The following UMAD1 variants were observed in gnomAD, a reference collection of about 807,000 sequenced individuals.
UMAD1 encodes the protein UBAP1-MVB12-associated (UMA) domain containing 1.
A neutral mutation model predicts 6.1 loss-of-function variants in UMAD1; 8 were observed. The ratio of observed to expected loss-of-function variants is 1.30; its 90% CI spans 0.76 to 2.35. UMAD1 has a LOEUF of 2.35. UMAD1 is among the 30% of genes most tolerant of loss of function. The pLI is 0.00. For synonymous variants in UMAD1, 56 were observed against 31.4 expected (o/e 1.78, Z -2.61); for missense variants, 130 against 78.4 (o/e 1.66, Z -2.49).
Position 7,877,788 on chromosome 7 carries a change from A to T in UMAD1, c.*250A>T, listed in dbSNP as rs1784452881. The T allele has an allele frequency of 4.5e-6, 2 of 440,078 alleles. No individual in the cohort carries two copies. The highest frequency in any genetic ancestry group is 2.0e-5 in the African/African-American group (1 of 50,334). 27.3% of individuals were successfully genotyped at this position (440,078 alleles called of 1,614,324 possible). A position where few individuals can be genotyped will look rare whatever the true frequency, so the allele number is the denominator to read the frequency against. Reference sequence around the variant, plus strand: ...TAGGCTATGAAGGTTTTAGGAAAGGACTCGATTCCTTCAGATGGTCTCTCA... The same window carrying T: ...TAGGCTATGAAGGTTTTAGGAAAGGTCTCGATTCCTTCAGATGGTCTCTCA... On this transcript the variant is annotated 3_prime_UTR_variant, in exon 4 of 4. Coordinates refer to ENST00000682710, the MANE Select transcript of UMAD1 (RefSeq NM_001302348.2).
chr7:7,747,145 C>T (rs1043232310), intron 2 of UMAD1, among the ~76,000 whole-genome samples: 1 of 152,044 alleles, frequency 6.6e-6, no homozygotes, highest in Non-Finnish European at 1.5e-5. Flanking sequence ...GCCATTAGGC[C>T]ATGAAGACTT....
At chr7:7,778,267 TGTGTGTGTGAGA>T (rs1205468944) in intron 2 of UMAD1, among the ~76,000 whole-genome samples, 19 of 107,792 alleles carry the variant, frequency 1.8e-4, no homozygotes, top group Admixed American at 3.9e-4. Context: ...TGTGTGTGTG[TGTGTGTGTGAGA>T]GAGAGAGAGA....
At chr7:7,802,398 T>C (rs1457873154) in intron 3 of UMAD1, among the ~76,000 whole-genome samples, 2 of 151,538 alleles carry the variant, frequency 1.3e-5, no homozygotes, top group East Asian at 3.9e-4. Context: ...AAAAAATCCA[T>C]TCAAAATCCC....
chr7:7,865,407 G>A (rs935738394), intron 3 of UMAD1, among the ~76,000 whole-genome samples: 1 of 152,166 alleles, frequency 6.6e-6, no homozygotes, highest in Non-Finnish European at 1.5e-5. Context: ...TGTCATAAGT[G>A]TTGTGACTAA....
chr7:7,720,861 A>G (rs1335512979), intron 2 of UMAD1, among the ~76,000 whole-genome samples: 4 of 152,090 alleles, frequency 2.6e-5, no homozygotes, highest in Admixed American at 1.3e-4. Flanking sequence ...TTAAGACTTC[A>G]CCCCCAGTAC....
intron 2 of UMAD1, among the ~76,000 whole-genome samples, chr7:7,721,781 C>T (rs1781054315): frequency 6.6e-6 from 1 of 152,246 alleles, no homozygotes; most frequent in Non-Finnish European, 1.5e-5. Flanking sequence ...TACTGAGTGT[C>T]AACTTGATTG....
intron 3 of UMAD1, among the ~76,000 whole-genome samples, chr7:7,822,672 A>G (rs114367722): frequency 0.015 from 2,331 of 152,204 alleles, 70 homozygotes; most frequent in African/African-American, 0.053. Context: ...ATGCATCAGA[A>G]ATAGCCATAA....
intron 2 of UMAD1, among the ~76,000 whole-genome samples, chr7:7,728,856 C>T (rs963353384): frequency 6.6e-6 from 1 of 152,028 alleles, no homozygotes; most frequent in Non-Finnish European, 1.5e-5. Context: ...GTGGGCCTAC[C>T]GTATGTCAGT....
intron 1 of UMAD1, among the ~76,000 whole-genome samples, chr7:7,660,085 G>T (rs898294853): frequency 1.3e-5 from 2 of 152,118 alleles, no homozygotes; most frequent in Non-Finnish European, 1.5e-5. Context: ...GATCTTTGTT[G>T]GTTTAAAGTC....
intron 1 of UMAD1, among the ~76,000 whole-genome samples, chr7:7,651,043 T>G (rs1034261218): frequency 1.3e-5 from 2 of 152,204 alleles, no homozygotes; most frequent in Admixed American, 6.5e-5. Context: ...AACCCCTCTG[T>G]AGCCAAAGAG....
intron 3 of UMAD1, among the ~76,000 whole-genome samples, chr7:7,831,469 A>G (rs1783465792): frequency 6.6e-6 from 1 of 152,218 alleles, no homozygotes; most frequent in Non-Finnish European, 1.5e-5. Context: ...GAAAGAAGTC[A>G]ATGAAAGAAG....
intron 2 of UMAD1, among the ~76,000 whole-genome samples, chr7:7,723,445 G>A (rs1356133016): frequency 6.6e-6 from 1 of 152,276 alleles, no homozygotes; most frequent in Non-Finnish European, 1.5e-5. Flanking sequence ...CACTATGAGC[G>A]AGCTGGAAAT....
chr7:7,667,813 G>A (rs1308036220), intron 1 of UMAD1, among the ~76,000 whole-genome samples: 4 of 152,166 alleles, frequency 2.6e-5, no homozygotes, highest in Admixed American at 2.6e-4. Context: ...GGTCTCTGCT[G>A]CTTTACTGAT....
chr7:7,718,545 C>G (rs182249809), intron 2 of UMAD1: 1 of 152,298 alleles, frequency 6.6e-6, no homozygotes, highest in African/African-American at 2.4e-5. Context: ...TGTGTGTTGT[C>G]CTCCTTCTCA....
chr7:7,786,688 T>A (rs1782467746), intron 2 of UMAD1, among the ~76,000 whole-genome samples: 1 of 152,180 alleles, frequency 6.6e-6, no homozygotes, highest in East Asian at 1.9e-4. Flanking sequence ...AGAAGAGAAA[T>A]ACTTTGCTCT....
rs1022014744 is a variant in UMAD1, at chr7:7,757,864, C to T, written c.83-43806C>T. ...TTAGTTATGCTGTTGGTTCCACTCC[C>T]GCCACCATTCCAGAGGCCGCAGCAG... On this transcript the variant is annotated intron_variant, in intron 2 of 3. Transcript: ENST00000682710. 3.9e-5 allele frequency among the ~76,000 whole-genome samples: 6 copies of T among 152,082 alleles called. No individual in the cohort carries two copies. The East Asian group carries it at 5.8e-4, about 15-fold the overall frequency.
At chr7:7,839,685 C>T (rs1418999948) in intron 3 of UMAD1, among the ~76,000 whole-genome samples, 3 of 152,132 alleles carry the variant, frequency 2.0e-5, no homozygotes, top group Non-Finnish European at 2.9e-5. Flanking sequence ...GTTTCAAGAA[C>T]AAAGTTCTTA....
At chr7:7,778,913 G>A (rs2115250329) in intron 2 of UMAD1, among the ~76,000 whole-genome samples, 1 of 152,206 alleles carries the variant, frequency 6.6e-6, no homozygotes, top group Middle Eastern at 3.4e-3. Flanking sequence ...CTTATTAAGG[G>A]TTTCCTCTGT....
intron 2 of UMAD1, among the ~76,000 whole-genome samples, chr7:7,800,547 G>A (rs909177215): frequency 1.3e-5 from 2 of 151,822 alleles, no homozygotes; most frequent in Admixed American, 1.3e-4. Context: ...TCACCTGAGC[G>A]GTGTACACTA....
Sources: allele counts gnomAD v4.1 joint callset (sites outside exome capture counted in the v4.1 genomes callset), GRCh38; gene constraint gnomAD v4.1.1; transcripts MANE v1.5; gene names NCBI Gene and HGNC (gene_info 2026-07-23, HGNC 2026-07-21).